The following ZNF611 variants were observed in gnomAD, a reference collection of about 807,000 sequenced individuals.
ZNF611 encodes zinc finger protein 611.
A neutral mutation model predicts 8.9 loss-of-function variants in ZNF611; 6 were observed. That is an observed-to-expected ratio of 0.68 (90% CI 0.37 to 1.34). The LOEUF (loss-of-function observed/expected upper bound fraction) is 1.34, where lower values mean the gene tolerates loss of function less well. Among genes scored for constraint, ZNF611 ranks in the 40% most tolerant of loss-of-function variants. ZNF611 has a pLI of 0.02. For missense variants in ZNF611, 874 were observed against 841.3 expected (o/e 1.04, Z -0.48); for synonymous variants, 262 against 279.7 (o/e 0.94, Z 0.63).
At position 52,704,155 on chromosome 19, in the gene ZNF611, T is replaced by C. The variant is rs1331634536; in HGVS notation, c.*782A>G. On this transcript the variant is annotated 3_prime_UTR_variant, in exon 6 of 6. Coordinates refer to ENST00000652185, the MANE Select transcript of ZNF611 (RefSeq NM_001161499.2). ...GGCCCCATCCTCTTAACATAAACAC[T>C]TGAATGTCAATAAAGGCTTGAACTC... 3 of 368,866 alleles carry C rather than the reference T, an allele frequency of 8.1e-6. No homozygotes were observed. The highest frequency in any genetic ancestry group is 2.2e-5 in the South Asian group (1 of 46,122). The allele number at this position is 368,866 out of a possible 1,614,324, so 22.8% of individuals were successfully genotyped here. A position where few individuals can be genotyped will look rare whatever the true frequency, so the allele number is the denominator to read the frequency against.
chr19:52,718,256 C>A (rs1296250848), intron 3 of ZNF611, among the ~76,000 whole-genome samples: 2 of 152,140 alleles, frequency 1.3e-5, no homozygotes, highest in Non-Finnish European at 2.9e-5. Context: ...AGGAGAATCC[C>A]TTAACCCCAG....
chr19:52,721,822 T>C (rs568332810), intron 3 of ZNF611, among the ~76,000 whole-genome samples: 1 of 151,650 alleles, frequency 6.6e-6, no homozygotes, highest in South Asian at 2.1e-4. Context: ...TGAAGTGCAA[T>C]GATGCGATCT....
chr19:52,714,230 A>C, intron 4 of ZNF611, 89 bp from the exon 5 acceptor site: 1 of 1,565,934 alleles, frequency 6.4e-7, no homozygotes, highest in Non-Finnish European at 8.6e-7. Flanking sequence ...ATAAGTATTT[A>C]TTTGATCAAA....
At chr19:52,717,560 C>T (rs2062326168) in intron 3 of ZNF611, 1 of 403,324 alleles carries the variant, frequency 2.5e-6, no homozygotes, top group African/African-American at 2.2e-5. Context: ...ACTGTGCACA[C>T]ACAGCAATAG....
At position 52,704,709 on chromosome 19, in the gene ZNF611, A is replaced by G; in HGVS notation, c.*228T>C. 6.3e-7 allele frequency: 1 copy of G among 1,598,504 alleles called. No individual in the cohort carries two copies. Among genetic ancestry groups the G allele is most frequent in the Non-Finnish European group, 8.6e-7 (1 of 1,167,660 alleles). On this transcript the variant is annotated 3_prime_UTR_variant, in exon 6 of 6. Transcript: ENST00000652185. ...ATTAGTCAAGTTTCCCTACACCATG[A>G]ATTGCCTGATGGTGAATAAGTGTTG...
chr19:52,720,089 AG>A (rs2062345113), intron 3 of ZNF611, among the ~76,000 whole-genome samples: 1 of 152,226 alleles, frequency 6.6e-6, no homozygotes, highest in Admixed American at 6.5e-5. Flanking sequence ...GGTTGGGGGT[AG>A]GGTTACACAT....
intron 3 of ZNF611, among the ~76,000 whole-genome samples, chr19:52,717,464 T>A (rs1227259692): frequency 4.6e-5 from 7 of 151,982 alleles, no homozygotes; most frequent in South Asian, 2.1e-4. Flanking sequence ...GCCCCAGGAA[T>A]AGGAAAGCAG....
intron 1 of ZNF611, among the ~76,000 whole-genome samples, chr19:52,734,334 C>T (rs954547534): frequency 9.9e-5 from 15 of 152,112 alleles, no homozygotes; most frequent in African/African-American, 3.6e-4. Flanking sequence ...CTTTGGCCCA[C>T]ACAATCGCAA....
At chr19:52,718,304 C>A (rs1161049743) in intron 3 of ZNF611, among the ~76,000 whole-genome samples, 2 of 152,040 alleles carry the variant, frequency 1.3e-5, no homozygotes, top group African/African-American at 4.8e-5. Context: ...CATGCCACTG[C>A]ACACCAGCCT....
Position 52,706,138 on chromosome 19 carries a change from C to G in ZNF611, c.917G>C (p.Arg306Pro). ...FSQESSLTCH[R>P]RLHTGVKRYN... is the part of the protein sequence containing the mutation. ...ACGTTTTACTCCAGTATGAAGTCTA[C>G]GATGGCAGGTAAGGGATGACTCCTG... is the stretch of plus-strand genomic sequence containing the variant. Residue 306 changes from arginine (R) to proline (P), a missense_variant, in exon 6 of 6, where the codon CGT becomes CCT. By Grantham distance (103) the Arg-to-Pro change is moderately radical. Coordinates refer to ENST00000652185, the MANE Select transcript of ZNF611 (RefSeq NM_001161499.2). 6.2e-7 allele frequency: 1 copy of G among 1,613,366 alleles called. No homozygotes were observed. The highest frequency in any genetic ancestry group is 8.5e-7 in the Non-Finnish European group (1 of 1,179,798).
In ZNF611 at chr19:52,719,215, A is replaced by G. The variant is rs141427631; in HGVS notation, c.-19-3302T>C. Reference sequence around the variant, plus strand: ...AAAAACACACAAAAAAACCAACCACATGAATGAAATGAAGAGGAACTAGAA... The same window carrying G: ...AAAAACACACAAAAAAACCAACCACGTGAATGAAATGAAGAGGAACTAGAA... On this transcript the variant is annotated intron_variant, in intron 3 of 5. Coordinates refer to ENST00000652185, the MANE Select transcript of ZNF611 (RefSeq NM_001161499.2). Among the ~76,000 whole-genome samples, 339 of 152,314 alleles carry G rather than the reference A, an allele frequency of 2.2e-3. 1 individual carries two copies. The highest frequency in any genetic ancestry group is 6.3e-3 in the African/African-American group (262 of 41,570).
At chr19:52,730,815 C>A (rs2062421440) in intron 1 of ZNF611, among the ~76,000 whole-genome samples, 1 of 152,102 alleles carries the variant, frequency 6.6e-6, no homozygotes. Context: ...AACCACCTAC[C>A]TCAGGTGATT....
At chr19:52,715,717 T>C (rs1425881470) in intron 4 of ZNF611, 115 bp downstream of exon 4, 9 of 1,511,376 alleles carry the variant, frequency 6.0e-6, no homozygotes, top group Non-Finnish European at 7.1e-6. Flanking sequence ...CATGGGTGAG[T>C]GCGAGTGAAC....
chr19:52,705,148 G>A lies in ZNF611; in HGVS notation c.1907C>T (p.Ser636Phe), dbSNP rs747209718. ...ATGAAGTCTACGATGGTATATAAGG[G>A]ATGAGCAGTGACGGAAGGTATTGCC... is the stretch of plus-strand genomic sequence containing the variant. Reference protein sequence around the residue: ...ECGNTFRHCSSLIYHRRLHTG... With the variant: ...ECGNTFRHCSFLIYHRRLHTG... The change falls in exon 6 of 6, where the codon TCC becomes TTC. Residue 636 changes from serine (S) to phenylalanine (F), a missense_variant. Coordinates refer to ENST00000652185, the MANE Select transcript of ZNF611 (RefSeq NM_001161499.2). 1.2e-6 allele frequency: 2 copies of A among 1,614,000 alleles called. No homozygotes were observed. The highest frequency in any genetic ancestry group is 1.7e-6 in the Non-Finnish European group (2 of 1,179,998).
At chr19:52,709,924 C>T (rs779363033) in intron 5 of ZNF611, among the ~76,000 whole-genome samples, 12 of 152,264 alleles carry the variant, frequency 7.9e-5, no homozygotes, top group Admixed American at 3.9e-4. Context: ...CTCCTCTTTA[C>T]ACCACATCAG....
Position 52,704,777 on chromosome 19 carries a change from G to A in ZNF611, c.*160C>T, listed in dbSNP as rs1475695611. On this transcript the variant is annotated 3_prime_UTR_variant, in exon 6 of 6. Transcript: ENST00000652185. ...TTGCCACACTCATTACACTTGTAAG[G>A]TTTCTCTCCAGTGTGAAGTCCAGTA... 1.9e-6 allele frequency: 3 copies of A among 1,593,318 alleles called. No homozygotes were observed. The highest frequency in any genetic ancestry group is 2.6e-6 in the Non-Finnish European group (3 of 1,161,876).
chr19:52,709,318 C>T (rs1726344320), intron 5 of ZNF611, among the ~76,000 whole-genome samples: 2 of 151,916 alleles, frequency 1.3e-5, no homozygotes. Flanking sequence ...TGTAGCCCAG[C>T]CTGGAGTGCG....
chr19:52,706,086 G>T lies in ZNF611; in HGVS notation c.969C>A (p.Ile323=), dbSNP rs769483382. The change falls in exon 6 of 6, where the codon ATC becomes ATA. Residue 323 remains isoleucine, a synonymous_variant. Coordinates refer to ENST00000652185, the MANE Select transcript of ZNF611 (RefSeq NM_001161499.2). ...TTAGAAGGGCTGAATTTTGACCAAAGATCTTGCCACACTCATTACAATTGT... is the reference window on the plus strand; with the variant it reads ...TTAGAAGGGCTGAATTTTGACCAAATATCTTGCCACACTCATTACAATTGT... ...KRYNCNECGK[I]FGQNSALLID... 1 of 1,613,996 alleles carries T rather than the reference G, an allele frequency of 6.2e-7. No homozygotes were observed. Among genetic ancestry groups the T allele is most frequent in the Non-Finnish European group, 8.5e-7 (1 of 1,179,990 alleles).
intron 1 of ZNF611, among the ~76,000 whole-genome samples, chr19:52,733,652 A>C (rs2062439284): frequency 6.7e-6 from 1 of 149,960 alleles, no homozygotes. Flanking sequence ...TTCTGTACAT[A>C]TCTCTCATTC....
Sources: allele counts gnomAD v4.1 joint callset (sites outside exome capture counted in the v4.1 genomes callset), GRCh38; gene constraint gnomAD v4.1.1; transcripts MANE v1.5; gene names NCBI Gene and HGNC (gene_info 2026-07-23, HGNC 2026-07-21).